GTF2H5: variants seen among roughly 807,000 people sequenced by gnomAD.
GTF2H5 encodes the protein TFB5 ortholog.
Under a neutral mutation model 7.1 loss-of-function variants are expected in GTF2H5, and 5 were observed. That is an observed-to-expected ratio of 0.71 (90% CI 0.37 to 1.49). The LOEUF is 1.49. GTF2H5 is among the 40% of genes most tolerant of loss of function. The probability of loss-of-function intolerance (pLI) is 0.03; values close to 1 mark genes in which losing one functional copy is unlikely to be tolerated. For synonymous variants in GTF2H5, 30 were observed against 31.7 expected (o/e 0.95, Z 0.18); for missense variants, 80 against 83.0 (o/e 0.96, Z 0.14).
At chr6:158,177,442 C>T (rs9348087) in intron 2 of GTF2H5, among the ~76,000 whole-genome samples, 51,592 of 151,896 alleles carry the variant, frequency 0.34, 9,380 homozygotes, top group Admixed American at 0.46. Context: ...AAGAACTCTG[C>T]GGCTGACCCC....
In GTF2H5 at chr6:158,199,179, T is replaced by G. The variant is rs1486725451; in HGVS notation, c.*7022T>G. 2 of 151,732 alleles carry G rather than the reference T, an allele frequency of 1.3e-5. No homozygotes were observed. The highest frequency in any genetic ancestry group is 6.6e-5 in the Admixed American group (1 of 15,246). The allele number at this position is 151,732 out of a possible 1,614,324, so 9.4% of individuals were successfully genotyped here. On this transcript the variant is annotated 3_prime_UTR_variant, in exon 3 of 3. Transcript: ENST00000607778. ...ATGATTTAATCTTGGCTACTGAGCT[T>G]TTGGTTACGTTGCACTCCCTTTAAA...
intron 2 of GTF2H5, among the ~76,000 whole-genome samples, chr6:158,176,006 C>A (rs1342374900): frequency 6.6e-6 from 1 of 152,138 alleles, no homozygotes; most frequent in Non-Finnish European, 1.5e-5. Flanking sequence ...TAAGCACTTG[C>A]TAATATTAAT....
rs1313012917 is a variant in GTF2H5, at chr6:158,169,342, GTATAT to G, written c.-35+953_-35+957del. On this transcript the variant is annotated intron_variant, in intron 1 of 2. Transcript: ENST00000607778. ...ATATTATGTATATTATATATAATAC[GTATAT>G]TATATATAATACATATATATAATAT... Among the ~76,000 whole-genome samples, 16 of 95,124 alleles carry G rather than the reference GTATAT, an allele frequency of 1.7e-4. No individual in the cohort carries two copies. The South Asian group carries it at 2.0e-3, about 12-fold the overall frequency. 62.4% of individuals were successfully genotyped at this position (95,124 alleles called of 152,430 possible).
In GTF2H5 at chr6:158,169,672, TTATATAATATATAA is replaced by T. The variant is rs1219972222; in HGVS notation, c.-34-791_-34-778del. 7.6e-4 allele frequency among the ~76,000 whole-genome samples: 39 copies of T among 51,194 alleles called. 10 individuals are homozygous for T. Among genetic ancestry groups the T allele is most frequent in the South Asian group, 1.0e-3 (2 of 1,956 alleles). The allele number at this position is 51,194 out of a possible 152,430, so 33.6% of individuals were successfully genotyped here. A position where few individuals can be genotyped will look rare whatever the true frequency, so the allele number is the denominator to read the frequency against. On this transcript the variant is annotated intron_variant, in intron 1 of 2. Coordinates refer to ENST00000607778, the MANE Select transcript of GTF2H5 (RefSeq NM_207118.3). ...TATATTACATATAATATATTGTATATTATATAATATATAATATATATTATATAATATATTGTATA... is the reference window on the plus strand; with the variant it reads ...TATATTACATATAATATATTGTATATTATATATTATATAATATATTGTATA...
intron 1 of GTF2H5, among the ~76,000 whole-genome samples, chr6:158,169,779 T>A (rs1412508553): frequency 1.0e-5 from 1 of 100,114 alleles, no homozygotes; most frequent in African/African-American, 4.6e-5. Flanking sequence ...TATAATATAT[T>A]GTATATTATA....
At position 158,198,201 on chromosome 6, in the gene GTF2H5, G is replaced by A. The variant is rs1777141729; in HGVS notation, c.*6044G>A. 6.6e-6 allele frequency: 1 copy of A among 152,184 alleles called. No individual in the cohort carries two copies. The highest frequency in any genetic ancestry group is 2.4e-5 in the African/African-American group (1 of 41,446). 9.4% of individuals were successfully genotyped at this position (152,184 alleles called of 1,614,324 possible). On this transcript the variant is annotated 3_prime_UTR_variant, in exon 3 of 3. Transcript: ENST00000607778. ...AAGGAGGAGAATCCCTAAAAACAGA[G>A]CATTGGGTAGCTAGTCCACCAGCGG... is the stretch of plus-strand genomic sequence containing the variant.
intron 1 of GTF2H5, among the ~76,000 whole-genome samples, chr6:158,169,794 A>G (rs377162818): frequency 7.1e-4 from 66 of 93,164 alleles, no homozygotes; most frequent in Non-Finnish European, 1.0e-3. Context: ...ATTATATATT[A>G]TATATTGTAT....
At chr6:158,187,289 C>A (rs567404003) in intron 2 of GTF2H5, among the ~76,000 whole-genome samples, 1 of 152,110 alleles carries the variant, frequency 6.6e-6, no homozygotes, top group African/African-American at 2.4e-5. Flanking sequence ...AGCCACCGCA[C>A]CTGGCCCAGA....
chr6:158,185,809 A>G (rs1191436226), intron 2 of GTF2H5, among the ~76,000 whole-genome samples: 2 of 152,026 alleles, frequency 1.3e-5, no homozygotes, highest in Non-Finnish European at 2.9e-5. Flanking sequence ...GGAGTTCGAC[A>G]TAACAGAACC....
chr6:158,169,380 A>ATATATAATACATATATATAATATG (rs1313610207), intron 1 of GTF2H5, among the ~76,000 whole-genome samples: 8 of 94,920 alleles, frequency 8.4e-5, no homozygotes, highest in African/African-American at 3.9e-4. Context: ...TATGTATATT[A>ATATATAATACATATATATAATATG]TATATTATAT....
rs372831018 is a variant in GTF2H5, at chr6:158,185,779, G to A, written c.36-6198G>A. On this transcript the variant is annotated intron_variant, in intron 2 of 2. Transcript: ENST00000607778. ...TCCCAACACTTTTGGAGGCCGAGGC[G>A]GGTGGGTTGCTTGAGTCCAGGAGTT... Among the ~76,000 whole-genome samples the A allele has an allele frequency of 1.9e-4, 29 of 152,056 alleles. No homozygotes were observed. The East Asian group carries it at 1.9e-3, about 10-fold the overall frequency.
intron 2 of GTF2H5, among the ~76,000 whole-genome samples, chr6:158,185,129 C>T: frequency 6.9e-6 from 1 of 144,690 alleles, no homozygotes; most frequent in South Asian, 2.2e-4. Flanking sequence ...GACAAAATGT[C>T]CCTTAAACTT....
In GTF2H5 at chr6:158,185,992, C is replaced by CA. The variant is rs199922052; in HGVS notation, c.36-5977dup. Among the ~76,000 whole-genome samples, 322 of 151,058 alleles carry CA rather than the reference C, an allele frequency of 2.1e-3. 2 individuals carry two copies. Among genetic ancestry groups the CA allele is most frequent in the African/African-American group, 6.2e-3 (254 of 41,186 alleles). On this transcript the variant is annotated intron_variant, in intron 2 of 2. Transcript: ENST00000607778. ...CCTGGGTGACGGTGAGACTCTGTCT[C>CA]AAAAAAAATAAAGAGAGCAAAAAAA... is the stretch of plus-strand genomic sequence containing the variant.
At chr6:158,169,679 A>ATATATTGTATATTATATAT (rs1562469114) in intron 1 of GTF2H5, among the ~76,000 whole-genome samples, 1 of 39,904 alleles carries the variant, frequency 2.5e-5, no homozygotes, top group African/African-American at 1.6e-4. Context: ...ATATTATATA[A>ATATATTGTATATTATATAT]TATATAATAT....
chr6:158,172,409 C>T (rs184230476), intron 2 of GTF2H5, among the ~76,000 whole-genome samples: 1 of 151,976 alleles, frequency 6.6e-6, no homozygotes, highest in East Asian at 1.9e-4. Context: ...ATACTGCTGC[C>T]TCAGCTGCCC....
chr6:158,198,989 CTTGT>C lies in GTF2H5; in HGVS notation c.*6839_*6842del, dbSNP rs1398483194. On this transcript the variant is annotated 3_prime_UTR_variant, in exon 3 of 3. Coordinates refer to ENST00000607778, the MANE Select transcript of GTF2H5 (RefSeq NM_207118.3). ...AGCTGTTAACAACTTTAATACCTGT[CTTGT>C]TTGTTTTCTTCAGAAATTTGTTAAT... 2 of 152,148 alleles carry C rather than the reference CTTGT, an allele frequency of 1.3e-5. No homozygotes were observed. Among genetic ancestry groups the C allele is most frequent in the Admixed American group, 6.5e-5 (1 of 15,274 alleles). 9.4% of individuals were successfully genotyped at this position (152,148 alleles called of 1,614,324 possible). A position where few individuals can be genotyped will look rare whatever the true frequency, so the allele number is the denominator to read the frequency against.
chr6:158,174,636 AAAGC>A (rs751694770), intron 2 of GTF2H5, among the ~76,000 whole-genome samples: 4 of 152,240 alleles, frequency 2.6e-5, no homozygotes, highest in Non-Finnish European at 4.4e-5. Flanking sequence ...AGCAATTACC[AAAGC>A]AAGCAACACA....
rs1169112995 is a variant in GTF2H5, at chr6:158,193,384, T to G, written c.*1227T>G. The G allele has an allele frequency of 6.6e-6, 1 of 152,210 alleles. No homozygotes were observed. Among genetic ancestry groups the G allele is most frequent in the Non-Finnish European group, 1.5e-5 (1 of 68,058 alleles). The allele number at this position is 152,210 out of a possible 1,614,324, so 9.4% of individuals were successfully genotyped here. On this transcript the variant is annotated 3_prime_UTR_variant, in exon 3 of 3. Coordinates refer to ENST00000607778, the MANE Select transcript of GTF2H5 (RefSeq NM_207118.3). ...ACACTGAGAGGGGCTTTGCTTCCCT[T>G]CCTGAAGATCATGTCATTGGGGTGG...
intron 2 of GTF2H5, among the ~76,000 whole-genome samples, chr6:158,191,278 G>A (rs1338641888): frequency 6.6e-6 from 1 of 152,188 alleles, no homozygotes; most frequent in East Asian, 1.9e-4. Flanking sequence ...TTTGTCACTG[G>A]TAAAACATTG....
Sources: allele counts gnomAD v4.1 joint callset (sites outside exome capture counted in the v4.1 genomes callset), GRCh38; gene constraint gnomAD v4.1.1; transcripts MANE v1.5; gene names NCBI Gene and HGNC (gene_info 2026-07-23, HGNC 2026-07-21).